Variants in CORO1C observed in about 807,000 individuals in gnomAD.
The protein encoded by CORO1C is coronin 1C, also known as coronin-1C.
Under a neutral mutation model 51.2 loss-of-function variants are expected in CORO1C, and 14 were observed. The observed-to-expected ratio is 0.27, with a 90% CI of 0.18 to 0.43. CORO1C has a LOEUF of 0.43. Ranked by LOEUF, CORO1C falls within the 20% of genes least tolerant of loss-of-function variation. CORO1C has a pLI of 1.00. For synonymous variants in CORO1C, 181 were observed against 210.5 expected (o/e 0.86, Z 1.21); for missense variants, 417 against 607.8 (o/e 0.69, Z 3.30).
At chr12:108,689,410 A>G (rs1386582363) in intron 2 of CORO1C, among the ~76,000 whole-genome samples, 1 of 152,256 alleles carries the variant, frequency 6.6e-6, no homozygotes, top group East Asian at 1.9e-4. Flanking sequence ...ATTCCCCTTT[A>G]AGAAGCTCAA....
intron 2 of CORO1C, 84 bp from the exon 3 acceptor site, chr12:108,678,478 T>C: frequency 1.7e-6 from 2 of 1,171,148 alleles, no homozygotes; most frequent in Non-Finnish European, 2.3e-6. Flanking sequence ...TCTCATTTAT[T>C]ACCTCCACCC....
intron 2 of CORO1C, among the ~76,000 whole-genome samples, chr12:108,688,080 C>T (rs868168720): frequency 9.2e-5 from 14 of 151,948 alleles, no homozygotes; most frequent in Non-Finnish European, 1.5e-4. Context: ...CACGCCACCA[C>T]GTCCAGCTAA....
intron 1 of CORO1C, among the ~76,000 whole-genome samples, chr12:108,707,120 G>C (rs1299978297): frequency 6.6e-6 from 1 of 152,138 alleles, no homozygotes; most frequent in South Asian, 2.1e-4. Context: ...CCCAAACTAA[G>C]ATATAGATTT....
chr12:108,713,774 A>G (rs1461632274), intron 1 of CORO1C, among the ~76,000 whole-genome samples: 2 of 152,210 alleles, frequency 1.3e-5, no homozygotes, highest in African/African-American at 4.8e-5. Context: ...CTTTTCCAAC[A>G]ATCAATCCCG....
chr12:108,693,774 TCTA>T (rs991003590), intron 2 of CORO1C, among the ~76,000 whole-genome samples: 1 of 152,146 alleles, frequency 6.6e-6, no homozygotes, highest in African/African-American at 2.4e-5. Flanking sequence ...ACAGAGCCCC[TCTA>T]CTAACTTAAC....
intron 1 of CORO1C, among the ~76,000 whole-genome samples, chr12:108,716,494 T>C (rs2136882520): frequency 6.6e-6 from 1 of 152,286 alleles, no homozygotes; most frequent in Non-Finnish European, 1.5e-5. Flanking sequence ...AACCCATACC[T>C]TGGGCAAGCG....
At chr12:108,663,942 G>T (rs1157356292) in intron 3 of CORO1C, among the ~76,000 whole-genome samples, 1 of 152,142 alleles carries the variant, frequency 6.6e-6, no homozygotes, top group Non-Finnish European at 1.5e-5. Context: ...GGGAGAAAGG[G>T]ACAGGGAAAG....
Position 108,678,331 on chromosome 12 carries a change from C to T in CORO1C, c.259G>A (p.Asp87Asn). The part of the protein sequence containing the change: ...CGHTGPVLDI[D>N]WCPHNDQVIA... The stretch of plus-strand genomic sequence containing the variant: ...ACCTGATCGTTATGTGGGCACCAGT[C>T]TATGTCCAGCACTGGTCCTGTGTGG... Residue 87 changes from aspartate (D) to asparagine (N), a missense_variant, in exon 3 of 11, where the codon GAC becomes AAC. By Grantham distance (23) the Asp-to-Asn change is conservative (BLOSUM62 1). Transcript: ENST00000261401. 1 of 1,612,622 alleles carries T rather than the reference C, an allele frequency of 6.2e-7. No individual in the cohort carries two copies. The highest frequency in any genetic ancestry group is 2.2e-5 in the East Asian group (1 of 44,794).
chr12:108,708,531 G>A (rs1478509717), intron 1 of CORO1C, among the ~76,000 whole-genome samples: 3 of 149,330 alleles, frequency 2.0e-5, no homozygotes, highest in Non-Finnish European at 4.4e-5. Context: ...GCTCAAACTC[G>A]GCTCACTGCA....
At chr12:108,662,253 T>TTCTGTTTACATAGAGC in intron 3 of CORO1C, 95 bp from the exon 4 acceptor site, 2 of 1,066,816 alleles carry the variant, frequency 1.9e-6, no homozygotes, top group Non-Finnish European at 2.8e-6. Context: ...TTGCTCTATG[T>TTCTGTTTACATAGAGC]AAACAGAACA....
intron 3 of CORO1C, among the ~76,000 whole-genome samples, chr12:108,669,037 TAAAATGCTGTTTCACA>T (rs964269193): frequency 6.6e-6 from 1 of 152,180 alleles, no homozygotes; most frequent in African/African-American, 2.4e-5. Context: ...TGTGATAGTA[TAAAATGCTGTTTCACA>T]AAGTAGTACA....
intron 2 of CORO1C, 57 bp from the exon 3 acceptor site, chr12:108,678,451 A>G: frequency 3.6e-6 from 5 of 1,381,712 alleles, no homozygotes; most frequent in Non-Finnish European, 4.8e-6. Context: ...GACGTTATAC[A>G]TTTTCTCAGG....
intron 4 of CORO1C, among the ~76,000 whole-genome samples, chr12:108,661,435 T>G (rs1369233154): frequency 4.6e-5 from 7 of 152,202 alleles, no homozygotes; most frequent in African/African-American, 1.7e-4. Context: ...CATCTCTGTA[T>G]GTAAAATAAT....
chr12:108,661,939 T>C lies in CORO1C; in HGVS notation c.448+90A>G, dbSNP rs868795137. The C allele has an allele frequency of 3.4e-6, 5 of 1,458,790 alleles. No individual in the cohort carries two copies. The African/African-American group carries it at 5.6e-5, about 16-fold the overall frequency. The allele number at this position is 1,458,790 out of a possible 1,614,324, so 90.4% of individuals were successfully genotyped here. A position where few individuals can be genotyped will look rare whatever the true frequency, so the allele number is the denominator to read the frequency against. ...CCTAATAATCTGCTTTAAAACCATA[T>C]AGCACACAACCAAAACACATTTGCT... On this transcript the variant is annotated intron_variant, in intron 4 of 10. Transcript: ENST00000261401.
At chr12:108,650,179 C>CTT in intron 8 of CORO1C, among the ~76,000 whole-genome samples, 1 of 129,484 alleles carries the variant, frequency 7.7e-6, no homozygotes, top group Non-Finnish European at 1.6e-5. Context: ...AAACCAAAAA[C>CTT]CTTTTTTTTT....
rs78566873 is a variant in CORO1C, at chr12:108,690,629, T to G, written c.195+10495A>C. ...TACTCAACCTTGCCCAAATATGCGA[T>G]AGCAACCAGAGTAGCTGTATTTCCT... On this transcript the variant is annotated intron_variant, in intron 2 of 10. Coordinates refer to ENST00000261401, the MANE Select transcript of CORO1C (RefSeq NM_014325.4). Among the ~76,000 whole-genome samples the G allele has an allele frequency of 1.5e-3, 225 of 152,352 alleles. 1 individual carries two copies. Among genetic ancestry groups the G allele is most frequent in the Middle Eastern group, 3.4e-3 (1 of 294 alleles).
At chr12:108,710,186 T>C (rs964745194) in intron 1 of CORO1C, among the ~76,000 whole-genome samples, 5 of 152,210 alleles carry the variant, frequency 3.3e-5, no homozygotes, top group Non-Finnish European at 7.4e-5. Flanking sequence ...AATGCAGGAA[T>C]AGGTTGAGAA....
chr12:108,701,527 A>G (rs2034870679), intron 1 of CORO1C: 4 of 656,316 alleles, frequency 6.1e-6, no homozygotes, highest in Non-Finnish European at 5.0e-6. Context: ...AAAGAATTAC[A>G]AAGAAATGAA....
intron 2 of CORO1C, among the ~76,000 whole-genome samples, chr12:108,692,061 A>T (rs893380684): frequency 6.8e-6 from 1 of 147,258 alleles, no homozygotes; most frequent in Non-Finnish European, 1.5e-5. Context: ...CTTCTGTGGC[A>T]CTTCATGTGG....
Sources: gnomAD v4.1 joint callset for allele counts (sites outside exome capture counted in the v4.1 genomes callset) on GRCh38, gnomAD v4.1.1 for gene constraint, MANE v1.5 for transcripts, NCBI Gene and HGNC (gene_info 2026-07-23, HGNC 2026-07-21) for gene names.